The following MED26 variants were observed in gnomAD, a reference collection of about 807,000 sequenced individuals.
The protein encoded by MED26 is mediator complex subunit 26.
Under a neutral mutation model 43.7 loss-of-function variants are expected in MED26, and 7 were observed. The observed-to-expected ratio is 0.16, with a 90% CI of 0.09 to 0.30. The LOEUF is 0.30. Ranked by LOEUF, MED26 falls within the 10% of genes least tolerant of loss-of-function variation. MED26 has a pLI of 1.00. For synonymous variants in MED26, 375 were observed against 371.1 expected, an observed-to-expected ratio of 1.01 and a Z score of -0.12; for missense variants, 784 against 840.6, an observed-to-expected ratio of 0.93 and a Z score of 0.83.
intron 1 of MED26, among the ~76,000 whole-genome samples, chr19:16,623,669 A>G (rs1343297902): frequency 6.6e-6 from 1 of 152,116 alleles, no homozygotes; most frequent in Non-Finnish European, 1.5e-5. Context: ...AATCTCACAT[A>G]CACTTGTAGG....
At chr19:16,626,776 T>C (rs1293747413) in intron 1 of MED26, among the ~76,000 whole-genome samples, 2 of 152,178 alleles carry the variant, frequency 1.3e-5, no homozygotes, top group Admixed American at 6.5e-5. Flanking sequence ...GTGATCTCAA[T>C]GGCCACTTCC....
At chr19:16,624,371 C>T (rs984367041) in intron 1 of MED26, 1 of 152,184 alleles carries the variant, frequency 6.6e-6, no homozygotes, top group Non-Finnish European at 1.5e-5. Flanking sequence ...GCCTGAAGAG[C>T]TGTGAAAAAG....
chr19:16,612,066 C>T (rs1430651964), intron 1 of MED26: 1 of 152,176 alleles, frequency 6.6e-6, no homozygotes, highest in Non-Finnish European at 1.5e-5. Context: ...GCTCTGAGCT[C>T]CTGCCAACAG....
intron 1 of MED26, among the ~76,000 whole-genome samples, chr19:16,584,885 CA>C (rs1202985914): frequency 6.6e-6 from 1 of 152,160 alleles, no homozygotes; most frequent in Non-Finnish European, 1.5e-5. Context: ...TGGGAGAGTT[CA>C]CTGATCTAGA....
At chr19:16,617,918 T>A (rs1487182177) in intron 1 of MED26, among the ~76,000 whole-genome samples, 1 of 152,168 alleles carries the variant, frequency 6.6e-6, no homozygotes, top group East Asian at 1.9e-4. Flanking sequence ...CCCGTTTCCG[T>A]CACGGCCAGG....
chr19:16,600,228 G>A (rs2086142302), intron 1 of MED26, among the ~76,000 whole-genome samples: 1 of 151,628 alleles, frequency 6.6e-6, no homozygotes, highest in South Asian at 2.1e-4. Context: ...AGCCTTGCAT[G>A]GGCTCTACTT....
At chr19:16,606,730 G>C (rs1432334282) in intron 1 of MED26, among the ~76,000 whole-genome samples, 1 of 152,166 alleles carries the variant, frequency 6.6e-6, no homozygotes, top group African/African-American at 2.4e-5. Context: ...ATCTGGGAGG[G>C]GAGTAGGCTG....
chr19:16,612,036 T>C (rs1257314052), intron 1 of MED26: 1 of 152,092 alleles, frequency 6.6e-6, no homozygotes, highest in Non-Finnish European at 1.5e-5. Context: ...ACATAAATAG[T>C]TTCCAAGAGG....
chr19:16,619,674 CACCT>C (rs1434418070), intron 1 of MED26, among the ~76,000 whole-genome samples: 2 of 152,088 alleles, frequency 1.3e-5, no homozygotes, highest in Non-Finnish European at 2.9e-5. Context: ...GGGTCACACC[CACCT>C]GAGTCCTCCC....
At chr19:16,627,462 C>A (rs946632810) in intron 1 of MED26, among the ~76,000 whole-genome samples, 5 of 152,350 alleles carry the variant, frequency 3.3e-5, no homozygotes, top group Middle Eastern at 3.4e-3. Context: ...CCGAGTCATA[C>A]CCCGGACACC....
chr19:16,609,567 T>TATAAAAAATACAAAAA (rs2086190167), intron 1 of MED26, among the ~76,000 whole-genome samples: 1 of 151,724 alleles, frequency 6.6e-6, no homozygotes, highest in African/African-American at 2.4e-5. Flanking sequence ...ATGGATTTCT[T>TATAAAAAATACAAAAA]TTCTTTTTCC....
chr19:16,617,712 G>A (rs1164143890), intron 1 of MED26, among the ~76,000 whole-genome samples: 1 of 152,224 alleles, frequency 6.6e-6, no homozygotes, highest in East Asian at 1.9e-4. Context: ...GGAGCTCACA[G>A]GAGAGCAGTG....
At chr19:16,621,254 T>C (rs1490214553) in intron 1 of MED26, among the ~76,000 whole-genome samples, 1 of 152,188 alleles carries the variant, frequency 6.6e-6, no homozygotes, top group Non-Finnish European at 1.5e-5. Flanking sequence ...GAATCTCTCC[T>C]AGCCCCTAAA....
intron 1 of MED26, among the ~76,000 whole-genome samples, chr19:16,613,183 G>A (rs1212810440): frequency 6.6e-6 from 1 of 152,164 alleles, no homozygotes; most frequent in Non-Finnish European, 1.5e-5. Context: ...GTAGAGATTC[G>A]AATCCAGGTC....
chr19:16,596,437 C>T (rs2086120264), intron 1 of MED26, among the ~76,000 whole-genome samples: 1 of 152,222 alleles, frequency 6.6e-6, no homozygotes, highest in East Asian at 1.9e-4. Flanking sequence ...AGGACTGGCA[C>T]TGAAGCCATA....
In MED26 at chr19:16,577,534, C is replaced by A; in HGVS notation, c.296G>T (p.Gly99Val). ...QHEAALRGLA[G>V]ATGSANGGAH... ...GCCCCCGTTGGCAGAGCCGGTGGCC[C>A]CCGCCAGCCCCCGCAGCGCCGCCTC... The change falls in exon 3 of 3, where the codon GGG (glycine) becomes GTG (valine). Residue 99 changes from glycine (G) to valine (V), a missense_variant. This residue lies in a region of MED26 where 719 missense variants were observed against 730.9 expected (regional missense o/e 0.98). Transcript: ENST00000263390. The surrounding 1 kb of genome is among the most constrained non-coding windows in gnomAD (Gnocchi z 8.1). 1.9e-6 allele frequency: 3 copies of A among 1,605,282 alleles called. No homozygotes were observed. The highest frequency in any genetic ancestry group is 2.6e-6 in the Non-Finnish European group (3 of 1,175,022).
chr19:16,585,328 G>GGGA (rs532478418), intron 1 of MED26, among the ~76,000 whole-genome samples: 6 of 152,246 alleles, frequency 3.9e-5, no homozygotes, highest in African/African-American at 1.4e-4. Flanking sequence ...CCTTCCTGCA[G>GGGA]GGAGAGGCCT....
At position 16,575,952 on chromosome 19, in the gene MED26, G is replaced by T; in HGVS notation, c.*75C>A. 3 of 1,236,222 alleles carry T rather than the reference G, an allele frequency of 2.4e-6. No individual in the cohort carries two copies. Among genetic ancestry groups the T allele is most frequent in the Middle Eastern group, 2.2e-4 (1 of 4,448 alleles). The allele number at this position is 1,236,222 out of a possible 1,614,324, so 76.6% of individuals were successfully genotyped here. On this transcript the variant is annotated 3_prime_UTR_variant, in exon 3 of 3. Transcript: ENST00000263390. ...CCAGCGCAGGAGGCAGCTGGGCCCC[G>T]GCCACCTGCCCACCTGCCTGCCCGC...
chr19:16,607,421 G>A (rs1429384360), intron 1 of MED26, among the ~76,000 whole-genome samples: 1 of 150,660 alleles, frequency 6.6e-6, no homozygotes, highest in Non-Finnish European at 1.5e-5. Flanking sequence ...TGTGTGCCTC[G>A]TGCCTTCTGA....
Sources: allele counts gnomAD v4.1 joint callset (sites outside exome capture counted in the v4.1 genomes callset), GRCh38; gene constraint gnomAD v4.1.1; regional missense constraint gnomAD v4.1.1; non-coding constraint Gnocchi (gnomAD v3.1); transcripts MANE v1.5; gene names NCBI Gene and HGNC (gene_info 2026-07-23, HGNC 2026-07-21).